The following TRAPPC11 variants were observed in gnomAD, a reference collection of about 807,000 sequenced individuals.
TRAPPC11 encodes foie gras homolog.
Under a neutral mutation model 151.2 loss-of-function variants are expected in TRAPPC11, and 104 were observed. The ratio of observed to expected loss-of-function variants is 0.69; its 90% CI spans 0.59 to 0.81. TRAPPC11 has a LOEUF of 0.81. Ranked by LOEUF, TRAPPC11 falls within the 30% of genes least tolerant of loss-of-function variation. The probability of loss-of-function intolerance (pLI) is 0.00; values close to 1 mark genes in which losing one functional copy is unlikely to be tolerated. For synonymous variants in TRAPPC11, 456 were observed against 472.3 expected (o/e 0.97, Z 0.45); for missense variants, 1,230 against 1,349.6 (o/e 0.91, Z 1.39).
chr4:183,698,317 C>T (rs1736645579), intron 25 of TRAPPC11, among the ~76,000 whole-genome samples: 1 of 152,132 alleles, frequency 6.6e-6, no homozygotes, highest in Non-Finnish European at 1.5e-5. Context: ...TTAAAAAGTA[C>T]TAATAATATC....
Position 183,664,080 on chromosome 4 carries a change from A to G in TRAPPC11, c.204+9A>G. 1 of 1,606,684 alleles carries G rather than the reference A, an allele frequency of 6.2e-7. No homozygotes were observed. Among genetic ancestry groups the G allele is most frequent in the African/African-American group, 1.3e-5 (1 of 74,802 alleles). On this transcript the variant is annotated intron_variant, in intron 2 of 29. Coordinates refer to ENST00000334690, the MANE Select transcript of TRAPPC11 (RefSeq NM_021942.6). ...CCAAATGTAGACCCAAGGTAATGGC[A>G]TTGTGATGGCATGTGTTCTTTCCTT...
intron 18 of TRAPPC11, among the ~76,000 whole-genome samples, chr4:183,690,382 A>G (rs1013308449): frequency 6.6e-6 from 1 of 152,232 alleles, no homozygotes; most frequent in African/African-American, 2.4e-5. Flanking sequence ...TATTGAACAG[A>G]TGAGAATAGT....
intron 1 of TRAPPC11, among the ~76,000 whole-genome samples, chr4:183,661,544 T>C (rs1178324883): frequency 6.6e-6 from 1 of 151,464 alleles, no homozygotes; most frequent in Non-Finnish European, 1.5e-5. Flanking sequence ...GCTAATTTTT[T>C]GTGTTTTTAG....
intron 1 of TRAPPC11, 103 bp from the exon 2 acceptor site, chr4:183,663,736 GTTTTTTTT>G (rs70959134): frequency 1.0e-5 from 4 of 387,674 alleles, no homozygotes; most frequent in Non-Finnish European, 1.8e-5. Flanking sequence ...AATATGAGTT[GTTTTTTTT>G]TTTTTTTTTT....
chr4:183,683,291 A>G (rs758986177), intron 11 of TRAPPC11, among the ~76,000 whole-genome samples: 1 of 152,238 alleles, frequency 6.6e-6, no homozygotes, highest in Non-Finnish European at 1.5e-5. Context: ...ATTAACTCAT[A>G]TTACCTTAAA....
Position 183,663,973 on chromosome 4 carries a change from G to C in TRAPPC11, c.106G>C (p.Val36Leu), listed in dbSNP as rs530405458. ...AGTTTATAATGCAGTCCATCGAGCT[G>C]TCTGGGACGCCTTCTGTGCAAATCG... Reference protein sequence around the residue: ...DVVYNAVHRAVWDAFCANRRA... With the variant: ...DVVYNAVHRALWDAFCANRRA... Residue 36 changes from valine to leucine, a missense_variant, in exon 2 of 30, where the codon GTC becomes CTC. Val to Leu is a conservative substitution (Grantham distance 32, BLOSUM62 1). Coordinates refer to ENST00000334690, the MANE Select transcript of TRAPPC11 (RefSeq NM_021942.6). 11 of 1,614,042 alleles carry C rather than the reference G, an allele frequency of 6.8e-6. No individual in the cohort carries two copies. In the African/African-American group the frequency reaches 9.3e-5, roughly 14 times the overall value.
chr4:183,711,181 C>G (rs967276642), intron 29 of TRAPPC11, among the ~76,000 whole-genome samples: 3 of 152,034 alleles, frequency 2.0e-5, no homozygotes, highest in Admixed American at 6.6e-5. Context: ...ATTGGACAAT[C>G]ACTGACTAAA....
At chr4:183,694,094 A>T (rs1168002349) in intron 22 of TRAPPC11, 56 bp downstream of exon 22, 1 of 1,587,138 alleles carries the variant, frequency 6.3e-7, no homozygotes, top group Non-Finnish European at 8.6e-7. Flanking sequence ...AGTTTTAAAT[A>T]TATAGTGAGT....
At chr4:183,666,999 A>G in intron 3 of TRAPPC11, 61 bp from the exon 4 acceptor site, 1 of 1,364,428 alleles carries the variant, frequency 7.3e-7, no homozygotes, top group Non-Finnish European at 1.0e-6. Flanking sequence ...ATTTTATGTG[A>G]AGTCATGAAT....
At chr4:183,686,135 GCCTATTTATTATTCTTT>G (rs1405432581) in intron 17 of TRAPPC11, among the ~76,000 whole-genome samples, 1 of 152,006 alleles carries the variant, frequency 6.6e-6, no homozygotes, top group Non-Finnish European at 1.5e-5. Context: ...ACCATGCCTG[GCCTATTTATTATTCTTT>G]TTGAGATAGA....
At chr4:183,673,985 G>A (rs1328325978) in intron 5 of TRAPPC11, among the ~76,000 whole-genome samples, 1 of 152,024 alleles carries the variant, frequency 6.6e-6, no homozygotes, top group Non-Finnish European at 1.5e-5. Flanking sequence ...TTCCCCATTA[G>A]TTTTCTTATT....
chr4:183,680,679 CTTTT>C (rs71589581), intron 10 of TRAPPC11, among the ~76,000 whole-genome samples: 3 of 82,962 alleles, frequency 3.6e-5, no homozygotes, highest in African/African-American at 1.1e-4. Context: ...TATGGAGACT[CTTTT>C]TTTTTTTTTT....
At chr4:183,693,500 C>G in intron 20 of TRAPPC11, 89 bp from the exon 21 acceptor site, 2 of 1,412,818 alleles carry the variant, frequency 1.4e-6, no homozygotes, top group Admixed American at 2.3e-5. Flanking sequence ...GCCTCTGCAC[C>G]CAGCCTCTTA....
Position 183,693,606 on chromosome 4 carries a change from C to G in TRAPPC11, c.2255C>G (p.Pro752Arg). 1 of 1,611,974 alleles carries G rather than the reference C, an allele frequency of 6.2e-7. No individual in the cohort carries two copies. Among genetic ancestry groups the G allele is most frequent in the South Asian group, 1.1e-5 (1 of 90,270 alleles). The change falls in exon 21 of 30, where the codon CCA (proline) becomes CGA (arginine). Residue 752 changes from proline to arginine, a missense_variant. Coordinates refer to ENST00000334690, the MANE Select transcript of TRAPPC11 (RefSeq NM_021942.6). ...TTTCAAAGGATCATATCCAGAGTCC[C>G]AAACATTTCTGTACATCTGCTACAT... ...QASTMIISRVPNISVHLLHEP... is the reference protein window; with the variant it reads ...QASTMIISRVRNISVHLLHEP...
chr4:183,667,827 G>A (rs1734959828), intron 4 of TRAPPC11, 176 bp from the exon 5 acceptor site: 2 of 610,458 alleles, frequency 3.3e-6, no homozygotes, highest in East Asian at 5.6e-5. Flanking sequence ...CATATACTGT[G>A]TAACCTCTAA....
chr4:183,693,414 C>T (rs1230094485), intron 20 of TRAPPC11, among the ~76,000 whole-genome samples, 175 bp from the exon 21 acceptor site: 1 of 152,162 alleles, frequency 6.6e-6, no homozygotes, highest in Admixed American at 6.5e-5. Flanking sequence ...CTATGCTGCC[C>T]AGCCTTGTTT....
intron 20 of TRAPPC11, 37 bp from the exon 21 acceptor site, chr4:183,693,552 T>A (rs563925398): frequency 2.5e-6 from 4 of 1,570,434 alleles, no homozygotes; most frequent in African/African-American, 2.8e-5. Flanking sequence ...TTTGCTTTTT[T>A]TTTGATCAGT....
intron 19 of TRAPPC11, among the ~76,000 whole-genome samples, chr4:183,692,447 C>A (rs1561051905): frequency 6.6e-6 from 1 of 151,036 alleles, no homozygotes. Flanking sequence ...CCTAAGGGAA[C>A]CTACCAGACA....
chr4:183,681,772 C>CAAAA (rs148717952), intron 10 of TRAPPC11, among the ~76,000 whole-genome samples: 2 of 122,606 alleles, frequency 1.6e-5, no homozygotes, highest in African/African-American at 2.8e-5. Context: ...AACTCTGTCT[C>CAAAA]AAAAAGAAAA....
Sources: allele counts gnomAD v4.1 joint callset (sites outside exome capture counted in the v4.1 genomes callset), GRCh38; gene constraint gnomAD v4.1.1; transcripts MANE v1.5; gene names NCBI Gene and HGNC (gene_info 2026-07-23, HGNC 2026-07-21).